The following DNAI4 variants were observed in gnomAD, a reference collection of about 807,000 sequenced individuals.
The protein encoded by DNAI4 is WD repeat domain 78.
DNAI4 carries 85 observed loss-of-function variants against 105.8 expected under a neutral mutation model. The observed-to-expected ratio is 0.80, with a 90% CI of 0.67 to 0.96. The LOEUF is 0.96. Among genes scored for constraint, DNAI4 ranks in the 40% least tolerant of loss-of-function variants. DNAI4 has a pLI of 0.00. For missense variants in DNAI4, 1,014 were observed against 1,005.6 expected (o/e 1.01, Z -0.11); for synonymous variants, 352 against 331.5 (o/e 1.06, Z -0.67).
chr1:66,855,257 C>A (rs1354219885), intron 7 of DNAI4, among the ~76,000 whole-genome samples: 1 of 152,234 alleles, frequency 6.6e-6, no homozygotes, highest in Non-Finnish European at 1.5e-5. Context: ...TCCCTAGTAA[C>A]CACAATAAAG....
chr1:66,817,443 T>G (rs1044013694), intron 16 of DNAI4, among the ~76,000 whole-genome samples: 5 of 152,068 alleles, frequency 3.3e-5, no homozygotes, highest in African/African-American at 1.2e-4. Context: ...CATTATGGTA[T>G]GCACCTGTAG....
intron 7 of DNAI4, among the ~76,000 whole-genome samples, chr1:66,858,476 T>G (rs1261877680): frequency 7.3e-6 from 1 of 136,786 alleles, no homozygotes; most frequent in African/African-American, 2.9e-5. Context: ...GGGCTTGCAG[T>G]GAGCCGAGAT....
chr1:66,866,978 C>T (rs897730877), intron 6 of DNAI4, among the ~76,000 whole-genome samples: 3 of 152,068 alleles, frequency 2.0e-5, no homozygotes, highest in African/African-American at 4.8e-5. Context: ...GAGTGACGAG[C>T]GAAGGGGGAA....
chr1:66,850,561 T>C (rs1379401391), intron 7 of DNAI4, among the ~76,000 whole-genome samples: 1 of 151,986 alleles, frequency 6.6e-6, no homozygotes, highest in African/African-American at 2.4e-5. Context: ...ATAAATAGAA[T>C]ATACTTCTTA....
intron 10 of DNAI4, among the ~76,000 whole-genome samples, chr1:66,837,028 T>G (rs1646039649): frequency 1.3e-5 from 2 of 152,160 alleles, no homozygotes; most frequent in Non-Finnish European, 2.9e-5. Flanking sequence ...AGTCAGGTGA[T>G]AAGGAGGTAT....
At chr1:66,905,984 C>T (rs987403709) in intron 1 of DNAI4, among the ~76,000 whole-genome samples, 1 of 123,738 alleles carries the variant, frequency 8.1e-6, no homozygotes, top group African/African-American at 3.1e-5. Flanking sequence ...AGTGCAGTGG[C>T]GTGATCTCGG....
At chr1:66,831,779 C>T (rs1278221907) in intron 13 of DNAI4, among the ~76,000 whole-genome samples, 5 of 152,050 alleles carry the variant, frequency 3.3e-5, no homozygotes, top group African/African-American at 4.8e-5. Flanking sequence ...CCAGTGCAAT[C>T]GTACAAGAAA....
chr1:66,920,420 G>A (rs1650388068), intron 1 of DNAI4, among the ~76,000 whole-genome samples: 1 of 152,144 alleles, frequency 6.6e-6, no homozygotes, highest in Non-Finnish European at 1.5e-5. Flanking sequence ...GGGTGCAAAA[G>A]GCTGTCATGC....
intron 1 of DNAI4, among the ~76,000 whole-genome samples, chr1:66,913,793 T>C (rs569152659): frequency 1.3e-5 from 2 of 151,960 alleles, no homozygotes; most frequent in Non-Finnish European, 2.9e-5. Flanking sequence ...CCATCCTGGC[T>C]AACATGGTGA....
In DNAI4 at chr1:66,900,347, T is replaced by C. The variant is rs182347410; in HGVS notation, c.345+4854A>G. 7.4e-4 allele frequency among the ~76,000 whole-genome samples: 112 copies of C among 152,240 alleles called. No homozygotes were observed. The East Asian group carries it at 0.019, about 26-fold the overall frequency. ...AACTCCTGGTCTCAGGTGATCCACC[T>C]GCCTTGGCCTCCCAAAGTGCTGGGA... On this transcript the variant is annotated intron_variant, in intron 2 of 16. Coordinates refer to ENST00000371026, the MANE Select transcript of DNAI4 (RefSeq NM_024763.5).
At chr1:66,858,897 A>C (rs1313404696) in intron 7 of DNAI4, among the ~76,000 whole-genome samples, 1 of 152,166 alleles carries the variant, frequency 6.6e-6, no homozygotes, top group African/African-American at 2.4e-5. Flanking sequence ...ATCAGTAATA[A>C]GGTTAGGATA....
chr1:66,880,339 T>C (rs893568450), intron 4 of DNAI4, among the ~76,000 whole-genome samples: 10 of 152,140 alleles, frequency 6.6e-5, no homozygotes, highest in African/African-American at 2.4e-4. Context: ...TTTGGAGGGC[T>C]CAGAAGAAGA....
intron 5 of DNAI4, among the ~76,000 whole-genome samples, chr1:66,872,855 G>T (rs2100665908): frequency 6.6e-6 from 1 of 152,004 alleles, no homozygotes; most frequent in Non-Finnish European, 1.5e-5. Context: ...TGGGATTACA[G>T]GTGCCCACCA....
chr1:66,858,687 C>G (rs1474049715), intron 7 of DNAI4, among the ~76,000 whole-genome samples: 2 of 152,048 alleles, frequency 1.3e-5, no homozygotes, highest in East Asian at 1.9e-4. Context: ...TGTAATCCAT[C>G]ACATCAACAA....
intron 1 of DNAI4, among the ~76,000 whole-genome samples, chr1:66,912,242 G>A (rs944517424): frequency 2.0e-5 from 3 of 151,918 alleles, no homozygotes; most frequent in African/African-American, 7.3e-5. Context: ...AGCACTTTGG[G>A]AACAGATTAC....
chr1:66,845,693 A>G (rs1335349541), intron 8 of DNAI4, among the ~76,000 whole-genome samples: 1 of 152,230 alleles, frequency 6.6e-6, no homozygotes, highest in Non-Finnish European at 1.5e-5. Context: ...TGAACTACTT[A>G]TACATGCATC....
intron 4 of DNAI4, among the ~76,000 whole-genome samples, chr1:66,876,628 A>G (rs763569489): frequency 7.9e-5 from 12 of 152,130 alleles, no homozygotes; most frequent in African/African-American, 9.6e-5. Context: ...TGAATTTACT[A>G]TATGTTCAGA....
intron 8 of DNAI4, among the ~76,000 whole-genome samples, chr1:66,843,313 C>T (rs1223874355): frequency 6.6e-6 from 1 of 151,560 alleles, no homozygotes; most frequent in Non-Finnish European, 1.5e-5. Context: ...TTGTATGCTA[C>T]TTTGGCATGT....
chr1:66,843,781 T>A (rs896483252), intron 8 of DNAI4, among the ~76,000 whole-genome samples: 1 of 152,218 alleles, frequency 6.6e-6, no homozygotes, highest in Non-Finnish European at 1.5e-5. Flanking sequence ...TTCTATTGCC[T>A]TTCTTCTTTT....
Sources: gnomAD v4.1 joint callset for allele counts (sites outside exome capture counted in the v4.1 genomes callset) on GRCh38, gnomAD v4.1.1 for gene constraint, MANE v1.5 for transcripts, NCBI Gene and HGNC (gene_info 2026-07-23, HGNC 2026-07-21) for gene names.